The following KCNIP1 variants were observed in gnomAD, a reference collection of about 807,000 sequenced individuals.
The protein encoded by KCNIP1 is A-type potassium channel modulatory protein KCNIP1.
In KCNIP1, 18 loss-of-function variants were observed where a neutral mutation model predicts 33.0. The ratio of observed to expected loss-of-function variants is 0.55; its 90% CI spans 0.38 to 0.81. The LOEUF is 0.81. KCNIP1 is among the 30% of genes least tolerant of loss of function. The pLI is 0.00. For synonymous variants in KCNIP1, 93 were observed against 98.3 expected (o/e 0.95, Z 0.32); for missense variants, 238 against 271.6 (o/e 0.88, Z 0.87).
intron 1 of KCNIP1, among the ~76,000 whole-genome samples, chr5:170,439,205 G>A (rs35263968): frequency 0.24 from 37,108 of 152,088 alleles, 4,634 homozygotes; most frequent in African/African-American, 0.3. Flanking sequence ...AATGGGGTTA[G>A]GGCTGCTGTG....
At chr5:170,575,421 C>G (rs577119674) in intron 1 of KCNIP1, among the ~76,000 whole-genome samples, 4 of 152,238 alleles carry the variant, frequency 2.6e-5, no homozygotes, top group African/African-American at 7.2e-5. Flanking sequence ...TATGTGTGAG[C>G]TGTTCAAAGT....
intron 1 of KCNIP1, among the ~76,000 whole-genome samples, chr5:170,534,320 G>A (rs1438623180): frequency 2.0e-5 from 3 of 152,122 alleles, no homozygotes; most frequent in African/African-American, 7.2e-5. Flanking sequence ...GGAACGTAAG[G>A]TGTCAGAGCC....
intron 1 of KCNIP1, among the ~76,000 whole-genome samples, chr5:170,408,841 T>A (rs1217145396): frequency 6.6e-6 from 1 of 151,928 alleles, no homozygotes; most frequent in Non-Finnish European, 1.5e-5. Flanking sequence ...AGTCAGGCGG[T>A]GGGTCTTTTT....
intron 5 of KCNIP1, among the ~76,000 whole-genome samples, chr5:170,728,131 G>A (rs1490025568): frequency 6.6e-6 from 1 of 152,086 alleles, no homozygotes; most frequent in Non-Finnish European, 1.5e-5. Flanking sequence ...TAATTTTCAG[G>A]ATTCAATTAA....
In KCNIP1 at chr5:170,504,708, G is replaced by C; in HGVS notation, c.61+75G>C. 8.3e-7 allele frequency: 1 copy of C among 1,210,282 alleles called. No individual in the cohort carries two copies. The highest frequency in any genetic ancestry group is 1.2e-6 in the Non-Finnish European group (1 of 814,246). The allele number at this position is 1,210,282 out of a possible 1,614,324, so 75.0% of individuals were successfully genotyped here. A position where few individuals can be genotyped will look rare whatever the true frequency, so the allele number is the denominator to read the frequency against. On this transcript the variant is annotated intron_variant, in intron 1 of 7. Transcript: ENST00000328939. The surrounding 1 kb of genome is among the most constrained non-coding windows in gnomAD (Gnocchi z 6.0). Reference sequence around the variant, plus strand: ...GGCGCCGAGGTGGGCTGTGCCACCTGCCTCCCTTAGTCCGGACTCTCCTCT... The same window carrying C: ...GGCGCCGAGGTGGGCTGTGCCACCTCCCTCCCTTAGTCCGGACTCTCCTCT...
chr5:170,605,557 C>T (rs941295197), intron 1 of KCNIP1, among the ~76,000 whole-genome samples: 4 of 152,148 alleles, frequency 2.6e-5, no homozygotes, highest in Non-Finnish European at 4.4e-5. Context: ...AGATGGAAGC[C>T]CCGTATTCAC....
At chr5:170,551,858 G>GT (rs1307858924) in intron 1 of KCNIP1, among the ~76,000 whole-genome samples, 30 of 147,370 alleles carry the variant, frequency 2.0e-4, no homozygotes, top group African/African-American at 7.0e-4. Context: ...GTGTGAGACT[G>GT]TGTGTTTGAG....
intron 1 of KCNIP1, among the ~76,000 whole-genome samples, chr5:170,689,808 G>A (rs1026435956): frequency 1.3e-4 from 20 of 152,176 alleles, no homozygotes; most frequent in Non-Finnish European, 2.1e-4. Flanking sequence ...TGTCAAAGAC[G>A]AAGATTGGAC....
chr5:170,720,479 G>A, intron 3 of KCNIP1, 89 bp downstream of exon 3: 2 of 1,049,430 alleles, frequency 1.9e-6, no homozygotes, highest in Middle Eastern at 2.0e-4. Context: ...CTTGCCATTT[G>A]CTTCCTTCTC....
At chr5:170,366,973 C>T (rs1763679856) in intron 1 of KCNIP1, among the ~76,000 whole-genome samples, 1 of 152,166 alleles carries the variant, frequency 6.6e-6, no homozygotes, top group African/African-American at 2.4e-5. Flanking sequence ...GCAGGTGACT[C>T]CTTGGCTGGA....
In KCNIP1 at chr5:170,572,088, G is replaced by A. The variant is rs137956750; in HGVS notation, c.61+67455G>A. Among the ~76,000 whole-genome samples, 385 of 152,188 alleles carry A rather than the reference G, an allele frequency of 2.5e-3. 3 individuals are homozygous for A. Among genetic ancestry groups the A allele is most frequent in the African/African-American group, 8.5e-3 (355 of 41,548 alleles). Reference sequence around the variant, plus strand: ...GGGCTGGGGTGAATGGAGGTGCACCGAGCCTGTCTAAAGAGGCTGCTGCTT... The same window carrying A: ...GGGCTGGGGTGAATGGAGGTGCACCAAGCCTGTCTAAAGAGGCTGCTGCTT... On this transcript the variant is annotated intron_variant, in intron 1 of 7. Coordinates refer to ENST00000328939, the MANE Select transcript of KCNIP1 (RefSeq NM_014592.4).
At chr5:170,429,575 T>A (rs1309032758) in intron 1 of KCNIP1, among the ~76,000 whole-genome samples, 1 of 152,116 alleles carries the variant, frequency 6.6e-6, no homozygotes, top group Non-Finnish European at 1.5e-5. Flanking sequence ...CAATGACGTA[T>A]ATTGTACCCA....
chr5:170,367,418 AAAG>A (rs1763715987), intron 1 of KCNIP1, among the ~76,000 whole-genome samples: 6 of 101,286 alleles, frequency 5.9e-5, no homozygotes, highest in East Asian at 5.3e-4. Context: ...AGAAAGAAAG[AAAG>A]GAAAGAAAGA....
At position 170,434,173 on chromosome 5, in the gene KCNIP1, A is replaced by G. The variant is rs572552444; in HGVS notation, c.88+80209A>G. 1.1e-3 allele frequency among the ~76,000 whole-genome samples: 174 copies of G among 152,316 alleles called. 1 individual carries two copies. In the South Asian group the frequency reaches 0.015, roughly 13 times the overall value. On this transcript the variant is annotated intron_variant, in intron 1 of 7. Coordinates refer to the KCNIP1 transcript ENST00000377360. The stretch of plus-strand genomic sequence containing the variant: ...TTTGAGCCTCAATTTTTTGTTTTCT[A>G]TAACATGGGAATAATATCAGTACCT...
intron 1 of KCNIP1, among the ~76,000 whole-genome samples, chr5:170,552,108 C>T (rs955497828): frequency 2.6e-5 from 4 of 152,000 alleles, no homozygotes; most frequent in Non-Finnish European, 5.9e-5. Context: ...AGGATGCTGC[C>T]TTTACCCAGT....
intron 1 of KCNIP1, among the ~76,000 whole-genome samples, chr5:170,604,390 C>T (rs1758815000): frequency 6.6e-6 from 1 of 152,110 alleles, no homozygotes; most frequent in Non-Finnish European, 1.5e-5. Context: ...ATGTTGGACA[C>T]AGTAGTCCTT....
chr5:170,668,774 A>G (rs1761807659), intron 1 of KCNIP1, among the ~76,000 whole-genome samples: 1 of 152,174 alleles, frequency 6.6e-6, no homozygotes, highest in South Asian at 2.1e-4. Context: ...GGGGTCAGTT[A>G]TTAGCATGCT....
At chr5:170,493,636 G>A (rs1433382577) in intron 1 of KCNIP1, among the ~76,000 whole-genome samples, 1 of 152,178 alleles carries the variant, frequency 6.6e-6, no homozygotes, top group South Asian at 2.1e-4. Context: ...GAAGTAGACC[G>A]TGACTCCTCT....
chr5:170,610,083 C>T (rs544294632), intron 1 of KCNIP1, among the ~76,000 whole-genome samples: 1 of 152,234 alleles, frequency 6.6e-6, no homozygotes, highest in South Asian at 2.1e-4. Context: ...AGCAGTGGTT[C>T]CCAAGACATG....
Sources: gnomAD v4.1 joint callset for allele counts (sites outside exome capture counted in the v4.1 genomes callset) on GRCh38, gnomAD v4.1.1 for gene constraint, Gnocchi (gnomAD v3.1) non-coding constraint, MANE v1.5 for transcripts, NCBI Gene and HGNC (gene_info 2026-07-23, HGNC 2026-07-21) for gene names.